Variants in WWOX observed in about 807,000 individuals in gnomAD.
WWOX encodes the protein WW domain-containing oxidoreductase.
In WWOX, 69 loss-of-function variants were observed where a neutral mutation model predicts 46.2. The ratio of observed to expected loss-of-function variants is 1.49; its 90% CI spans 1.23 to 1.82. The LOEUF (loss-of-function observed/expected upper bound fraction) is 1.82. WWOX is among the 40% of genes most tolerant of loss of function. The pLI is 0.00. For missense variants in WWOX, 919 were observed against 542.6 expected (o/e 1.69, Z -6.89); for synonymous variants, 359 against 202.6 (o/e 1.77, Z -6.56).
chr16:78,459,736 G>C (rs1401825821), intron 8 of WWOX, among the ~76,000 whole-genome samples: 1 of 152,176 alleles, frequency 6.6e-6, no homozygotes, highest in Non-Finnish European at 1.5e-5. Flanking sequence ...TGACATGTTT[G>C]CATTTACATT....
intron 5 of WWOX, among the ~76,000 whole-genome samples, chr16:78,261,583 C>T (rs1369181151): frequency 6.7e-6 from 1 of 150,066 alleles, no homozygotes; most frequent in Non-Finnish European, 1.5e-5. Context: ...TACCTGCAAG[C>T]ATTTGTCCTT....
At chr16:78,645,443 C>G (rs941990023) in intron 8 of WWOX, among the ~76,000 whole-genome samples, 2 of 152,118 alleles carry the variant, frequency 1.3e-5, no homozygotes, top group Non-Finnish European at 1.5e-5. Context: ...AATGCCTGAG[C>G]TGGGTCATTT....
At chr16:78,526,285 T>C (rs1418415552) in intron 8 of WWOX, 1 of 152,362 alleles carries the variant, frequency 6.6e-6, no homozygotes, top group African/African-American at 2.4e-5. Flanking sequence ...CTGATGACCT[T>C]GGAGGCGCTG....
chr16:79,122,573 T>G (rs538597509), intron 8 of WWOX, among the ~76,000 whole-genome samples: 2 of 151,956 alleles, frequency 1.3e-5, no homozygotes, highest in African/African-American at 4.8e-5. Flanking sequence ...ATTCTTTCTT[T>G]CCCTCTCTCT....
At chr16:78,692,860 G>C (rs1479215426) in intron 8 of WWOX, among the ~76,000 whole-genome samples, 2 of 152,174 alleles carry the variant, frequency 1.3e-5, no homozygotes, top group African/African-American at 4.8e-5. Flanking sequence ...TTGGTGAATA[G>C]GCCATGTTGT....
At chr16:78,816,084 A>C (rs1480958404) in intron 8 of WWOX, among the ~76,000 whole-genome samples, 1 of 152,166 alleles carries the variant, frequency 6.6e-6, no homozygotes, top group Non-Finnish European at 1.5e-5. Context: ...TCTAGCATGG[A>C]ATCCCCTCTG....
At chr16:78,228,151 G>T (rs1387399675) in intron 5 of WWOX, among the ~76,000 whole-genome samples, 1 of 152,022 alleles carries the variant, frequency 6.6e-6, no homozygotes, top group African/African-American at 2.4e-5. Flanking sequence ...TCCAGCCTTT[G>T]CATAGAGAGA....
intron 5 of WWOX, among the ~76,000 whole-genome samples, chr16:78,367,258 C>G (rs536483564): frequency 6.6e-6 from 1 of 152,008 alleles, no homozygotes; most frequent in African/African-American, 2.4e-5. Flanking sequence ...GGATTACAGG[C>G]GTGAGCCACC....
chr16:78,860,728 C>G (rs184537993), intron 8 of WWOX, among the ~76,000 whole-genome samples: 1 of 152,342 alleles, frequency 6.6e-6, no homozygotes, highest in Admixed American at 6.5e-5. Flanking sequence ...CTCTGCTGCA[C>G]TGCAAAATGT....
chr16:78,854,124 C>T (rs1194929095), intron 8 of WWOX, among the ~76,000 whole-genome samples: 1 of 151,968 alleles, frequency 6.6e-6, no homozygotes, highest in South Asian at 2.1e-4. Flanking sequence ...GTGACTTTGC[C>T]GAACAGTTAT....
At chr16:79,154,722 G>T (rs954869446) in intron 8 of WWOX, among the ~76,000 whole-genome samples, 2 of 152,204 alleles carry the variant, frequency 1.3e-5, no homozygotes, top group African/African-American at 4.8e-5. Context: ...GTATGTGGAT[G>T]GAGCCAGTTA....
At chr16:78,830,947 A>C (rs182181416) in intron 8 of WWOX, among the ~76,000 whole-genome samples, 3 of 152,194 alleles carry the variant, frequency 2.0e-5, no homozygotes, top group Non-Finnish European at 2.9e-5. Flanking sequence ...CAATCATTGC[A>C]AACATGTTTA....
At chr16:78,952,647 G>C (rs981278056) in intron 8 of WWOX, among the ~76,000 whole-genome samples, 1 of 152,070 alleles carries the variant, frequency 6.6e-6, no homozygotes, top group Non-Finnish European at 1.5e-5. Flanking sequence ...GCTTCCCAAA[G>C]TGCTGGGTTT....
intron 5 of WWOX, among the ~76,000 whole-genome samples, chr16:78,224,171 T>C (rs573391117): frequency 3.9e-5 from 6 of 152,030 alleles, no homozygotes; most frequent in Admixed American, 3.3e-4. Flanking sequence ...GCCCAGCTAA[T>C]TTTTTGTAAT....
intron 8 of WWOX, among the ~76,000 whole-genome samples, chr16:78,445,747 G>A (rs2083543801): frequency 6.6e-6 from 1 of 152,048 alleles, no homozygotes; most frequent in South Asian, 2.1e-4. Flanking sequence ...GTGTGGTGGA[G>A]CTTTCCTGTA....
At chr16:79,175,831 C>G (rs931989483) in intron 8 of WWOX, among the ~76,000 whole-genome samples, 11 of 152,178 alleles carry the variant, frequency 7.2e-5, no homozygotes, top group Admixed American at 6.5e-4. Context: ...TCCTTCCTCC[C>G]ACACATCCTG....
chr16:78,568,010 A>G (rs774786219), intron 8 of WWOX, among the ~76,000 whole-genome samples: 1 of 152,004 alleles, frequency 6.6e-6, no homozygotes. Context: ...TCTGTTCACT[A>G]CTCCGCGAAT....
Position 78,344,875 on chromosome 16 carries a change from A to T in WWOX, c.517-41985A>T, listed in dbSNP as rs2081068319. On this transcript the variant is annotated intron_variant, in intron 5 of 8. Transcript: ENST00000566780. ...ATGTCTGAAGAAGTTAGTTTGGTGAACATGGGCTTCAGGGTCAGACTGCTT... is the reference window on the plus strand; with the variant it reads ...ATGTCTGAAGAAGTTAGTTTGGTGATCATGGGCTTCAGGGTCAGACTGCTT... 1.7e-5 allele frequency among the ~76,000 whole-genome samples: 2 copies of T among 121,206 alleles called. 1 individual carries two copies. Among genetic ancestry groups the T allele is most frequent in the African/African-American group, 5.6e-5 (2 of 35,780 alleles). 79.5% of individuals were successfully genotyped at this position (121,206 alleles called of 152,430 possible).
chr16:78,125,804 G>C (rs573072429), intron 4 of WWOX, among the ~76,000 whole-genome samples: 1 of 152,168 alleles, frequency 6.6e-6, no homozygotes, highest in African/African-American at 2.4e-5. Context: ...ATGGGAAGTA[G>C]CATTCATCAA....
Sources: gnomAD v4.1 joint callset for allele counts (sites outside exome capture counted in the v4.1 genomes callset) on GRCh38, gnomAD v4.1.1 for gene constraint, MANE v1.5 for transcripts, NCBI Gene and HGNC (gene_info 2026-07-23, HGNC 2026-07-21) for gene names.